UBXN7: variants seen among roughly 807,000 people sequenced by gnomAD.
UBXN7 encodes UBX domain protein 7, also known as UBX domain-containing protein 7.
A neutral mutation model predicts 58.0 loss-of-function variants in UBXN7; 9 were observed. The ratio of observed to expected loss-of-function variants is 0.16; its 90% CI spans 0.09 to 0.27. The LOEUF (loss-of-function observed/expected upper bound fraction) is 0.27. Among genes scored for constraint, UBXN7 ranks in the 10% least tolerant of loss-of-function variants. UBXN7 has a pLI of 1.00. For missense variants in UBXN7, 328 were observed against 599.6 expected, an observed-to-expected ratio of 0.55 and a Z score of 4.73; for synonymous variants, 208 against 205.0, an observed-to-expected ratio of 1.01 and a Z score of -0.12.
chr3:196,425,389 A>G (rs1286270600), intron 1 of UBXN7, among the ~76,000 whole-genome samples: 1 of 152,130 alleles, frequency 6.6e-6, no homozygotes, highest in Non-Finnish European at 1.5e-5. Flanking sequence ...CTTTAAAAAA[A>G]AAAAAAAGGT....
intron 1 of UBXN7, chr3:196,431,456 G>C (rs1339277544): frequency 6.5e-6 from 1 of 153,162 alleles, no homozygotes. Context: ...GAGGATCTGC[G>C]TGTGTCCTTC....
chr3:196,391,981 A>G, intron 4 of UBXN7, 56 bp from the exon 5 acceptor site: 1 of 638,426 alleles, frequency 1.6e-6, no homozygotes, highest in Non-Finnish European at 2.3e-6. Flanking sequence ...TCACACTGAA[A>G]AAAAAAAAAA....
At position 196,348,014 on chromosome 3, in the gene UBXN7, T is replaced by C. The variant is rs993957118; in HGVS notation, c.*8671A>G. 6.6e-6 allele frequency: 1 copy of C among 152,286 alleles called. No individual in the cohort carries two copies. The highest frequency in any genetic ancestry group is 3.4e-3 in the Middle Eastern group (1 of 294). The allele number at this position is 152,286 out of a possible 1,614,324, so 9.4% of individuals were successfully genotyped here. On this transcript the variant is annotated 3_prime_UTR_variant, in exon 11 of 11. Transcript: ENST00000296328. ...ATTACCTATAGACTAGGTAGATCTA[T>C]AGGTAGATCACACCCAGTTATCTAA...
At position 196,432,385 on chromosome 3, in the gene UBXN7, C is replaced by T; in HGVS notation, c.15G>A (p.Gly5=). The change falls in exon 1 of 11, where the codon GGG becomes GGA. Residue 5 remains glycine, a synonymous_variant. Transcript: ENST00000296328. ...TCAGCGCCGAGGACGCCGCGGAGCC[C>T]CCGTGGGCAGCCATCTTACCGCCGC... MAAH[G]GSAASSALKG... The T allele has an allele frequency of 6.3e-7, 1 of 1,594,962 alleles. No individual in the cohort carries two copies. Among genetic ancestry groups the T allele is most frequent in the Non-Finnish European group, 8.6e-7 (1 of 1,167,000 alleles).
At chr3:196,425,856 T>G (rs182573785) in intron 1 of UBXN7, among the ~76,000 whole-genome samples, 1 of 152,308 alleles carries the variant, frequency 6.6e-6, no homozygotes, top group African/African-American at 2.4e-5. Context: ...AAGGTTTTCT[T>G]GACCTCCCTC....
At chr3:196,357,674 A>G (rs555505371) in intron 10 of UBXN7, among the ~76,000 whole-genome samples, 26 of 152,198 alleles carry the variant, frequency 1.7e-4, no homozygotes, top group Middle Eastern at 6.8e-3. Flanking sequence ...TCTGGCCAAC[A>G]TGGTGAAATC....
intron 1 of UBXN7, among the ~76,000 whole-genome samples, chr3:196,419,671 ATT>A (rs1730619927): frequency 6.6e-6 from 1 of 152,106 alleles, no homozygotes; most frequent in African/African-American, 2.4e-5. Flanking sequence ...ATGAGAGACC[ATT>A]TTTGGTGTTT....
chr3:196,380,696 A>G (rs1315751193), intron 5 of UBXN7, among the ~76,000 whole-genome samples: 1 of 152,240 alleles, frequency 6.6e-6, no homozygotes, highest in Non-Finnish European at 1.5e-5. Context: ...TGGGAAGTGC[A>G]AGGGGTCGGG....
intron 5 of UBXN7, among the ~76,000 whole-genome samples, chr3:196,389,246 C>T (rs984805549): frequency 1.3e-5 from 2 of 152,154 alleles, no homozygotes; most frequent in Non-Finnish European, 2.9e-5. Flanking sequence ...GGATAGGCAG[C>T]TGCCATGTTG....
intron 3 of UBXN7, 110 bp downstream of exon 3, chr3:196,402,842 T>C (rs916651420): frequency 1.2e-4 from 147 of 1,213,834 alleles, no homozygotes; most frequent in Middle Eastern, 2.3e-4. Context: ...AAATAAGAAA[T>C]GACACCACAC....
At chr3:196,375,581 G>A (rs1182876970) in intron 5 of UBXN7, among the ~76,000 whole-genome samples, 2 of 152,108 alleles carry the variant, frequency 1.3e-5, no homozygotes, top group African/African-American at 2.4e-5. Context: ...ATCTCCTCAT[G>A]GAAGATTATC....
intron 8 of UBXN7, among the ~76,000 whole-genome samples, chr3:196,363,310 C>T (rs537683699): frequency 6.6e-6 from 1 of 151,504 alleles, no homozygotes; most frequent in South Asian, 2.1e-4. Flanking sequence ...GTCTAAGTTC[C>T]CCAGGCTGGT....
chr3:196,383,350 G>C (rs1011161737), intron 5 of UBXN7, among the ~76,000 whole-genome samples: 2 of 152,090 alleles, frequency 1.3e-5, no homozygotes, highest in African/African-American at 4.8e-5. Flanking sequence ...ATAATAATGG[G>C]AGAATTTAAC....
intron 10 of UBXN7, 93 bp downstream of exon 10, chr3:196,361,751 A>G (rs1728510940): frequency 4.7e-6 from 5 of 1,065,838 alleles, no homozygotes; most frequent in Non-Finnish European, 5.7e-6. Context: ...GGAATAATGT[A>G]AACATAACTT....
At chr3:196,364,446 A>C (rs7617626) in intron 8 of UBXN7, among the ~76,000 whole-genome samples, 8 of 151,870 alleles carry the variant, frequency 5.3e-5, no homozygotes, top group African/African-American at 1.9e-4. Context: ...TTCTGAGATT[A>C]GCTTCAAAAT....
chr3:196,363,850 AC>A (rs1324283040), intron 8 of UBXN7, among the ~76,000 whole-genome samples: 2 of 150,598 alleles, frequency 1.3e-5, no homozygotes, highest in South Asian at 2.1e-4. Context: ...AATCACTTGA[AC>A]CCGGGAGGCA....
At chr3:196,417,119 C>T (rs11708136) in intron 1 of UBXN7, among the ~76,000 whole-genome samples, 60,346 of 151,976 alleles carry the variant, frequency 0.4, 12,557 homozygotes, top group East Asian at 0.8. Context: ...CGAGACCATC[C>T]TGGCTAACAC....
intron 8 of UBXN7, among the ~76,000 whole-genome samples, chr3:196,365,674 C>T (rs550671727): frequency 6.6e-5 from 10 of 152,312 alleles, no homozygotes; most frequent in African/African-American, 2.4e-4. Flanking sequence ...CAACTACAAT[C>T]TCTACATTCA....
intron 1 of UBXN7, among the ~76,000 whole-genome samples, chr3:196,417,368 G>A (rs990405462): frequency 4.0e-5 from 6 of 151,896 alleles, no homozygotes; most frequent in Admixed American, 1.3e-4. Context: ...CTTTGCCTCC[G>A]CCCTGTCTTA....
Sources: gnomAD v4.1 joint callset for allele counts (sites outside exome capture counted in the v4.1 genomes callset) on GRCh38, gnomAD v4.1.1 for gene constraint, MANE v1.5 for transcripts, NCBI Gene and HGNC (gene_info 2026-07-23, HGNC 2026-07-21) for gene names.